Variants in SIK3 observed in about 807,000 individuals in gnomAD.
SIK3 encodes serine/threonine-protein kinase SIK3.
Under a neutral mutation model 144.2 loss-of-function variants are expected in SIK3, and 28 were observed. The ratio of observed to expected loss-of-function variants is 0.19; its 90% confidence interval spans 0.14 to 0.27. SIK3 has a LOEUF of 0.27. Ranked by LOEUF, SIK3 falls within the 10% of genes least tolerant of loss-of-function variation. The probability of loss-of-function intolerance (pLI) is 1.00; values close to 1 mark genes in which losing one functional copy is unlikely to be tolerated. For missense variants in SIK3, 1,319 were observed against 1,776.0 expected (o/e 0.74, Z 4.62); for synonymous variants, 686 against 676.3 (o/e 1.01, Z -0.22).
At chr11:116,983,137 G>T (rs569576340) in intron 1 of SIK3, among the ~76,000 whole-genome samples, 90 of 150,204 alleles carry the variant, frequency 6.0e-4, no homozygotes, top group African/African-American at 2.1e-3. Flanking sequence ...TGAGGCAGGA[G>T]AATGGCATAA....
intron 5 of SIK3, 95 bp downstream of exon 5, chr11:116,897,098 C>A: frequency 1.2e-5 from 14 of 1,213,506 alleles, no homozygotes; most frequent in Non-Finnish European, 1.6e-5. Flanking sequence ...GATCTCAATT[C>A]ATGTTGCATC....
In SIK3 at chr11:117,033,198, T is replaced by C. The variant is rs559916176; in HGVS notation, c.273+64945A>G. On this transcript the variant is annotated intron_variant, in intron 1 of 24. Transcript: ENST00000445177. ...TATATCTGCTCAAATTGCCCAAGTA[T>C]ACATATGCTGCACTCCATCAAGTGT... 2.6e-5 allele frequency among the ~76,000 whole-genome samples: 4 copies of C among 152,320 alleles called. No homozygotes were observed. In the South Asian group the frequency reaches 8.3e-4, roughly 32 times the overall value.
In SIK3 at chr11:116,873,884, C is replaced by G. The variant is rs1227370918; in HGVS notation, c.1581+19G>C. On this transcript the variant is annotated intron_variant, in intron 12 of 24. Coordinates refer to ENST00000445177, the MANE Select transcript of SIK3 (RefSeq NM_001366686.3). ...AAGTTTGTTTCTTCTGGAGCCAGCC[C>G]TCTTCCATGTCTAGGTACCTTGTAC... 3 of 1,600,606 alleles carry G rather than the reference C, an allele frequency of 1.9e-6. No homozygotes were observed. The highest frequency in any genetic ancestry group is 1.7e-4 in the Middle Eastern group (1 of 5,940).
chr11:117,031,495 C>CATTTTATTTT (rs57767677), intron 1 of SIK3, among the ~76,000 whole-genome samples: 7,021 of 146,128 alleles, frequency 0.048, 247 homozygotes, highest in South Asian at 0.16. Context: ...ATGAATACAG[C>CATTTTATTTT]ATTTTATTTT....
intron 1 of SIK3, among the ~76,000 whole-genome samples, chr11:117,075,605 G>A (rs977364992): frequency 9.6e-5 from 14 of 146,486 alleles, no homozygotes; most frequent in Admixed American, 1.4e-4. Flanking sequence ...GCAGTGGCAC[G>A]ATCTCGGCTC....
At chr11:116,999,397 T>A (rs530554580) in intron 1 of SIK3, among the ~76,000 whole-genome samples, 6 of 152,194 alleles carry the variant, frequency 3.9e-5, no homozygotes, top group South Asian at 2.1e-4. Flanking sequence ...CTAAAAAAAA[T>A]TTTTTTAATC....
chr11:117,060,123 G>A (rs1953727251), intron 1 of SIK3, among the ~76,000 whole-genome samples: 1 of 152,150 alleles, frequency 6.6e-6, no homozygotes, highest in South Asian at 2.1e-4. Context: ...AGGTGAATGG[G>A]TAAATAAACA....
At position 116,858,777 on chromosome 11, in the gene SIK3, A is replaced by G. The variant is rs566373071; in HGVS notation, c.2766-78T>C. The G allele has an allele frequency of 1.1e-4, 171 of 1,506,192 alleles. No homozygotes were observed. The African/African-American group carries it at 2.2e-3, about 20-fold the overall frequency. The allele number at this position is 1,506,192 out of a possible 1,614,324, so 93.3% of individuals were successfully genotyped here. A position where few individuals can be genotyped will look rare whatever the true frequency, so the allele number is the denominator to read the frequency against. On this transcript the variant is annotated intron_variant, in intron 20 of 24. Transcript: ENST00000445177. The surrounding 1 kb of genome is among the most constrained non-coding windows in gnomAD (Gnocchi z 5.4). ...CTGGGAACAGCTCCTCCTCCTCAGT[A>G]GGGAGAACCCACTGGTACAGAGAAC... is the stretch of plus-strand genomic sequence containing the variant.
chr11:117,008,782 C>T (rs1419462739), intron 1 of SIK3, among the ~76,000 whole-genome samples: 5 of 152,118 alleles, frequency 3.3e-5, no homozygotes, highest in African/African-American at 1.2e-4. Flanking sequence ...AATCAGAAAA[C>T]TAAATTGCAA....
At chr11:116,903,663 C>A (rs184503419) in intron 4 of SIK3, among the ~76,000 whole-genome samples, 10 of 152,284 alleles carry the variant, frequency 6.6e-5, no homozygotes, top group African/African-American at 1.4e-4. Context: ...TTCACTGAAG[C>A]CTTTACCTCC....
chr11:116,916,694 T>A (rs933087063), intron 4 of SIK3, among the ~76,000 whole-genome samples: 4 of 151,376 alleles, frequency 2.6e-5, no homozygotes, highest in Admixed American at 1.3e-4. Context: ...GTATTTTTAG[T>A]AGAGACGGGG....
chr11:116,982,943 C>CAAAAAAA (rs35698580), intron 1 of SIK3, among the ~76,000 whole-genome samples: 3 of 69,854 alleles, frequency 4.3e-5, no homozygotes, highest in African/African-American at 1.7e-4. Context: ...GACTCCGTCT[C>CAAAAAAA]AAAAAAAAAA....
chr11:116,952,711 A>T (rs1948986453), intron 3 of SIK3, among the ~76,000 whole-genome samples: 1 of 152,214 alleles, frequency 6.6e-6, no homozygotes, highest in African/African-American at 2.4e-5. Flanking sequence ...TCATCTTCAA[A>T]GTAATATGTT....
intron 1 of SIK3, among the ~76,000 whole-genome samples, chr11:117,064,947 A>G (rs1953943190): frequency 6.6e-6 from 1 of 152,136 alleles, no homozygotes; most frequent in Admixed American, 6.6e-5. Flanking sequence ...CAGGAGTTCA[A>G]AACCAGCCCG....
intron 6 of SIK3, among the ~76,000 whole-genome samples, chr11:116,878,073 C>T (rs1314172018): frequency 1.3e-5 from 2 of 152,140 alleles, no homozygotes; most frequent in African/African-American, 4.8e-5. Flanking sequence ...TGCTACCCTG[C>T]CCCTGTGGTG....
At chr11:116,936,625 AC>A (rs1236354916) in intron 3 of SIK3, among the ~76,000 whole-genome samples, 3 of 152,186 alleles carry the variant, frequency 2.0e-5, no homozygotes, top group East Asian at 3.8e-4. Context: ...CTTACAAAAT[AC>A]GCTAAATTTT....
intron 9 of SIK3, 103 bp from the exon 10 acceptor site, chr11:116,875,554 T>C: frequency 7.6e-7 from 1 of 1,324,262 alleles, no homozygotes; most frequent in Non-Finnish European, 1.0e-6. Flanking sequence ...TTTCCCTGAT[T>C]ACTAAAGTTT....
At chr11:117,004,514 T>A (rs1441977421) in intron 1 of SIK3, among the ~76,000 whole-genome samples, 2 of 151,506 alleles carry the variant, frequency 1.3e-5, no homozygotes, top group African/African-American at 2.4e-5. Flanking sequence ...AGACCCTGTC[T>A]CCAAAACAAA....
intron 1 of SIK3, among the ~76,000 whole-genome samples, chr11:117,029,036 G>A (rs2135786545): frequency 6.6e-6 from 1 of 151,356 alleles, no homozygotes; most frequent in East Asian, 1.9e-4. Context: ...AGCCTCCCGA[G>A]TAGCTGAAAT....
Sources: gnomAD v4.1 joint callset for allele counts (sites outside exome capture counted in the v4.1 genomes callset) on GRCh38, gnomAD v4.1.1 for gene constraint, Gnocchi (gnomAD v3.1) non-coding constraint, MANE v1.5 for transcripts, NCBI Gene and HGNC (gene_info 2026-07-23, HGNC 2026-07-21) for gene names.